The following C16orf78 variants were observed in gnomAD, a reference collection of about 807,000 sequenced individuals.
The protein encoded by C16orf78 is uncharacterized protein C16orf78.
C16orf78 carries 19 observed loss-of-function variants against 27.3 expected under a neutral mutation model. That is an observed-to-expected ratio of 0.70 (90% confidence interval 0.49 to 1.02). The LOEUF is 1.02. Ranked by LOEUF, C16orf78 falls within the 50% of genes least tolerant of loss-of-function variation. The pLI is 0.00. For missense variants in C16orf78, 339 were observed against 337.0 expected (o/e 1.01, Z -0.05); for synonymous variants, 130 against 116.1 (o/e 1.12, Z -0.77).
chr16:49,378,401 T>C (rs1394622377), intron 2 of C16orf78, 69 bp from the exon 3 acceptor site: 1 of 1,518,520 alleles, frequency 6.6e-7, no homozygotes, highest in East Asian at 2.5e-5. Context: ...GCTGTTTGCT[T>C]GGGATGGAGC....
intron 3 of C16orf78, among the ~76,000 whole-genome samples, chr16:49,381,055 G>A (rs1255809126): frequency 1.3e-5 from 2 of 151,936 alleles, no homozygotes; most frequent in Non-Finnish European, 2.9e-5. Flanking sequence ...ATAGTTTGAA[G>A]TCAGGTAGTG....
intron 3 of C16orf78, among the ~76,000 whole-genome samples, chr16:49,380,383 A>G (rs902236675): frequency 5.3e-5 from 8 of 152,230 alleles, no homozygotes; most frequent in African/African-American, 1.9e-4. Context: ...TTATTTAAAA[A>G]ATAATCTAGA....
At chr16:49,385,425 C>G (rs550311729) in intron 3 of C16orf78, among the ~76,000 whole-genome samples, 10 of 152,168 alleles carry the variant, frequency 6.6e-5, no homozygotes, top group Admixed American at 4.6e-4. Flanking sequence ...ATAATCCCAA[C>G]ACTTTGGGAG....
intron 3 of C16orf78, among the ~76,000 whole-genome samples, chr16:49,388,740 C>G (rs1965378261): frequency 1.3e-5 from 2 of 152,172 alleles, no homozygotes; most frequent in South Asian, 4.1e-4. Flanking sequence ...TCTTAAACTC[C>G]TGAGCTCAAG....
At chr16:49,392,963 T>A (rs1200511641) in intron 3 of C16orf78, among the ~76,000 whole-genome samples, 1 of 152,158 alleles carries the variant, frequency 6.6e-6, no homozygotes, top group African/African-American at 2.4e-5. Context: ...TCTCATGAGA[T>A]CTGATGGTTT....
intron 3 of C16orf78, among the ~76,000 whole-genome samples, chr16:49,392,543 A>T (rs1475868288): frequency 6.6e-6 from 1 of 152,244 alleles, no homozygotes; most frequent in South Asian, 2.1e-4. Flanking sequence ...TAAAAGAGGG[A>T]TCTTTTTAAA....
At chr16:49,374,440 C>T (rs1357899735) in intron 1 of C16orf78, among the ~76,000 whole-genome samples, 2 of 152,156 alleles carry the variant, frequency 1.3e-5, no homozygotes, top group African/African-American at 2.4e-5. Context: ...AGATTTACAT[C>T]TCAAAGGGGC....
intron 3 of C16orf78, among the ~76,000 whole-genome samples, chr16:49,381,176 A>T (rs186458626): frequency 6.6e-6 from 1 of 152,304 alleles, no homozygotes; most frequent in African/African-American, 2.4e-5. Context: ...GAAGAAAGGC[A>T]TTGGTAGCTT....
chr16:49,383,369 A>G (rs1445988009), intron 3 of C16orf78, among the ~76,000 whole-genome samples: 1 of 152,222 alleles, frequency 6.6e-6, no homozygotes, highest in Admixed American at 6.5e-5. Flanking sequence ...CACATACACC[A>G]TGCCCAATGT....
At chr16:49,387,281 G>T (rs1965362827) in intron 3 of C16orf78, among the ~76,000 whole-genome samples, 1 of 151,764 alleles carries the variant, frequency 6.6e-6, no homozygotes, top group Non-Finnish European at 1.5e-5. Context: ...CATGTCCTTT[G>T]CCCACTTTTG....
chr16:49,375,167 C>G (rs554942514), intron 1 of C16orf78, among the ~76,000 whole-genome samples: 16 of 152,228 alleles, frequency 1.1e-4, no homozygotes, highest in African/African-American at 3.9e-4. Context: ...AGAGCCAGGG[C>G]TCAAACTGAG....
At chr16:49,399,048 C>T in intron 4 of C16orf78, 83 bp from the exon 5 acceptor site, 1 of 1,475,126 alleles carries the variant, frequency 6.8e-7, no homozygotes, top group Non-Finnish European at 9.3e-7. Context: ...CTTACTGCTG[C>T]TCAAATCTAA....
Position 49,373,983 on chromosome 16 carries a change from AGAG to A in C16orf78, c.47_49del (p.Arg16del). On this transcript the variant is annotated inframe_deletion, in exon 1 of 5. Transcript: ENST00000299191. ...GACCTGAAGGATTTAATGCCCACAA[AGAG>A]GAAATACATGTGGAAGACTGCTGAA... 6.2e-7 allele frequency: 1 copy of A among 1,614,124 alleles called. No homozygotes were observed. Among genetic ancestry groups the A allele is most frequent in the Non-Finnish European group, 8.5e-7 (1 of 1,179,990 alleles).
intron 3 of C16orf78, among the ~76,000 whole-genome samples, chr16:49,393,809 A>G (rs1164227446): frequency 6.6e-6 from 1 of 152,090 alleles, no homozygotes; most frequent in Non-Finnish European, 1.5e-5. Context: ...TAGCTTTTTG[A>G]AAAAGCAAGT....
At chr16:49,377,629 G>C (rs1254290710) in intron 1 of C16orf78, 102 bp from the exon 2 acceptor site, 1 of 1,432,264 alleles carries the variant, frequency 7.0e-7, no homozygotes, top group East Asian at 2.4e-5. Flanking sequence ...GCCTGTGGAG[G>C]GGAGGGACAG....
At chr16:49,381,965 A>G (rs1308965810) in intron 3 of C16orf78, among the ~76,000 whole-genome samples, 4 of 148,966 alleles carry the variant, frequency 2.7e-5, no homozygotes, top group African/African-American at 5.0e-5. Context: ...ACATGCACAC[A>G]TATGTTTATT....
intron 1 of C16orf78, among the ~76,000 whole-genome samples, chr16:49,375,360 G>A (rs1383703874): frequency 6.6e-6 from 1 of 152,062 alleles, no homozygotes; most frequent in Non-Finnish European, 1.5e-5. Flanking sequence ...ATGTTTAATT[G>A]GCTCATGGCT....
chr16:49,387,756 G>C (rs1469472770), intron 3 of C16orf78, among the ~76,000 whole-genome samples: 1 of 152,154 alleles, frequency 6.6e-6, no homozygotes, highest in Non-Finnish European at 1.5e-5. Flanking sequence ...TCTGTTCAGG[G>C]ATTCAGTTTC....
chr16:49,398,185 G>C (rs989861641), intron 4 of C16orf78, among the ~76,000 whole-genome samples: 2 of 152,174 alleles, frequency 1.3e-5, no homozygotes, highest in Non-Finnish European at 2.9e-5. Flanking sequence ...CATAAGAACA[G>C]GTAGGCTCTG....
Sources: gnomAD v4.1 joint callset for allele counts (sites outside exome capture counted in the v4.1 genomes callset) on GRCh38, gnomAD v4.1.1 for gene constraint, MANE v1.5 for transcripts, NCBI Gene and HGNC (gene_info 2026-07-23, HGNC 2026-07-21) for gene names.